HELZ: variants seen among roughly 807,000 people sequenced by gnomAD.
HELZ encodes helicase with zinc finger, also known as ATP-dependent RNA helicase with zinc finger domain.
HELZ carries 23 observed loss-of-function variants against 218.2 expected under a neutral mutation model. The observed-to-expected ratio is 0.11, with a 90% CI of 0.08 to 0.15. The LOEUF is 0.15. Among genes scored for constraint, HELZ ranks in the 10% least tolerant of loss-of-function variants. HELZ has a pLI of 1.00. For synonymous variants in HELZ, 814 were observed against 829.4 expected (o/e 0.98, Z 0.32); for missense variants, 1,813 against 2,353.7 (o/e 0.77, Z 4.75).
intron 12 of HELZ, among the ~76,000 whole-genome samples, chr17:67,179,440 C>T (rs967652953): frequency 1.1e-4 from 16 of 152,118 alleles, no homozygotes; most frequent in African/African-American, 2.4e-4. Context: ...AAAATCTTTT[C>T]GAAAATATTA....
intron 3 of HELZ, among the ~76,000 whole-genome samples, chr17:67,233,455 G>A (rs2041091706): frequency 6.6e-6 from 1 of 152,190 alleles, no homozygotes; most frequent in Non-Finnish European, 1.5e-5. Flanking sequence ...GCCTGGGTGA[G>A]GAGACACCAC....
At chr17:67,235,322 T>C (rs2041148488) in intron 3 of HELZ, among the ~76,000 whole-genome samples, 1 of 151,972 alleles carries the variant, frequency 6.6e-6, no homozygotes, top group Admixed American at 6.6e-5. Context: ...CTGAACAACA[T>C]GGTGAAACCC....
chr17:67,216,115 A>T (rs1181322136), intron 4 of HELZ, among the ~76,000 whole-genome samples, 180 bp from the exon 5 acceptor site: 7 of 152,010 alleles, frequency 4.6e-5, no homozygotes, highest in African/African-American at 1.2e-4. Flanking sequence ...CTACAAATAA[A>T]CGTCACAGTA....
intron 28 of HELZ, among the ~76,000 whole-genome samples, chr17:67,110,674 G>C (rs948416023): frequency 1.3e-5 from 2 of 152,124 alleles, no homozygotes; most frequent in African/African-American, 4.8e-5. Context: ...GCCATTTCCG[G>C]CTCACCAGGT....
intron 19 of HELZ, 91 bp from the exon 20 acceptor site, chr17:67,148,805 T>C: frequency 8.3e-7 from 1 of 1,205,924 alleles, no homozygotes; most frequent in South Asian, 1.6e-5. Flanking sequence ...TGCTAAAACT[T>C]CTTATATACA....
At chr17:67,228,375 G>A (rs1219791741) in intron 3 of HELZ, among the ~76,000 whole-genome samples, 1 of 152,106 alleles carries the variant, frequency 6.6e-6, no homozygotes, top group Non-Finnish European at 1.5e-5. Flanking sequence ...TGCTTTCCTT[G>A]TGGAAATTCG....
intron 5 of HELZ, among the ~76,000 whole-genome samples, chr17:67,211,283 T>C (rs1414889832): frequency 2.0e-5 from 3 of 152,224 alleles, no homozygotes; most frequent in East Asian, 1.9e-4. Context: ...AATTTGATTA[T>C]GGACTGGACT....
At chr17:67,244,424 A>G (rs932470546) in intron 1 of HELZ, 10 of 189,822 alleles carry the variant, frequency 5.3e-5, no homozygotes, top group Non-Finnish European at 8.8e-5. Flanking sequence ...GGCTCCAATA[A>G]TTTAGGGGAG....
Position 67,135,983 on chromosome 17 carries a change from T to G in HELZ, c.3169A>C (p.Ile1057Leu), listed in dbSNP as rs184561121. The change falls in exon 23 of 33, where the codon ATT becomes CTT. Residue 1057 changes from isoleucine to leucine, a missense_variant. Ile to Leu is a conservative substitution (Grantham distance 5, BLOSUM62 2). Coordinates refer to ENST00000358691, the MANE Select transcript of HELZ (RefSeq NM_014877.4). ...VVGDPIALCS[I>L]GRCRKFWERF... is the part of the protein sequence containing the mutation. Reference sequence around the variant, plus strand: ...ACACATAATTACCTGCATCTTCCAATAGAGCACAGAGCAATGGGATCACCC... The same window carrying G: ...ACACATAATTACCTGCATCTTCCAAGAGAGCACAGAGCAATGGGATCACCC... The G allele has an allele frequency of 1.2e-6, 2 of 1,612,904 alleles. No individual in the cohort carries two copies. The highest frequency in any genetic ancestry group is 1.7e-6 in the Non-Finnish European group (2 of 1,179,258).
chr17:67,200,919 C>T, intron 7 of HELZ: 6 of 534,284 alleles, frequency 1.1e-5, no homozygotes, highest in Non-Finnish European at 2.0e-5. Context: ...TAAGCCCTGG[C>T]ACACAGAGGA....
chr17:67,111,935 G>A (rs1214359884), intron 28 of HELZ, among the ~76,000 whole-genome samples: 3 of 152,180 alleles, frequency 2.0e-5, no homozygotes, highest in Non-Finnish European at 4.4e-5. Flanking sequence ...ATAATCAGGT[G>A]TCAAGGTTGT....
At chr17:67,127,794 C>T (rs1468458882) in intron 24 of HELZ, among the ~76,000 whole-genome samples, 5 of 151,578 alleles carry the variant, frequency 3.3e-5, no homozygotes, top group Non-Finnish European at 7.4e-5. Flanking sequence ...TGCAGTGAGC[C>T]CAGAATGTGC....
rs779588660 is a variant in HELZ, at chr17:67,166,583, C to A, written c.1790G>T (p.Arg597Leu). The A allele has an allele frequency of 2.5e-6, 4 of 1,613,210 alleles. No homozygotes were observed. The highest frequency in any genetic ancestry group is 1.1e-5 in the South Asian group (1 of 91,012). ...TQVELQFQLN[R>L]LPLCEMHYAL... ...ATAGTGCATTTCACAGAGGGGTAAT[C>A]GATTTAATTGAAACTGAAGTTCAAC... Residue 597 changes from arginine (R) to leucine (L), a missense_variant, in exon 15 of 33, where the codon CGA becomes CTA. By Grantham distance (102) the Arg-to-Leu change is moderately radical. Coordinates refer to ENST00000358691, the MANE Select transcript of HELZ (RefSeq NM_014877.4).
intron 17 of HELZ, among the ~76,000 whole-genome samples, chr17:67,155,733 A>AG (rs1224739242): frequency 6.6e-6 from 1 of 151,822 alleles, no homozygotes; most frequent in Non-Finnish European, 1.5e-5. Flanking sequence ...GCTACTTGGG[A>AG]GGCTGAGGCA....
At chr17:67,089,952 T>C (rs1311079068) in intron 31 of HELZ, among the ~76,000 whole-genome samples, 3 of 152,012 alleles carry the variant, frequency 2.0e-5, no homozygotes, top group East Asian at 1.9e-4. Flanking sequence ...CAGCACAGTG[T>C]TGAAGAGGAA....
At position 67,131,314 on chromosome 17, in the gene HELZ, C is replaced by T. The variant is rs182872748; in HGVS notation, c.3183-2459G>A. Among the ~76,000 whole-genome samples, 243 of 152,224 alleles carry T rather than the reference C, an allele frequency of 1.6e-3. 1 individual carries two copies. The highest frequency in any genetic ancestry group is 5.6e-3 in the African/African-American group (234 of 41,520). On this transcript the variant is annotated intron_variant, in intron 23 of 32. Coordinates refer to ENST00000358691, the MANE Select transcript of HELZ (RefSeq NM_014877.4). Reference sequence around the variant, plus strand: ...ACTCCATACCCTGTTCCTATATCACCCTCACTGACCTTGACCGCAATGAAC... The same window carrying T: ...ACTCCATACCCTGTTCCTATATCACTCTCACTGACCTTGACCGCAATGAAC...
At chr17:67,226,777 CTT>C (rs1271331282) in intron 3 of HELZ, among the ~76,000 whole-genome samples, 1 of 152,150 alleles carries the variant, frequency 6.6e-6, no homozygotes, top group African/African-American at 2.4e-5. Context: ...AAACAGACCT[CTT>C]TGTGATATAA....
intron 31 of HELZ, among the ~76,000 whole-genome samples, chr17:67,096,553 A>G (rs992208853): frequency 6.6e-6 from 1 of 152,232 alleles, no homozygotes; most frequent in Non-Finnish European, 1.5e-5. Flanking sequence ...TGCAGCTTCT[A>G]TATTAGCACT....
chr17:67,224,667 G>T, intron 3 of HELZ: 1 of 694,218 alleles, frequency 1.4e-6, no homozygotes, highest in South Asian at 1.4e-5. Flanking sequence ...TGTGATATAT[G>T]ATTCTTCTGT....
Sources: allele counts gnomAD v4.1 joint callset (sites outside exome capture counted in the v4.1 genomes callset), GRCh38; gene constraint gnomAD v4.1.1; transcripts MANE v1.5; gene names NCBI Gene and HGNC (gene_info 2026-07-23, HGNC 2026-07-21).